The following GLYAT variants were observed in gnomAD, a reference collection of about 807,000 sequenced individuals.
The protein encoded by GLYAT is glycine-N-acyltransferase, also known as glycine N-acyltransferase.
In GLYAT, 25 loss-of-function variants were observed where a neutral mutation model predicts 22.8. The observed-to-expected ratio is 1.09, with a 90% confidence interval of 0.80 to 1.53. GLYAT has a LOEUF of 1.53. Ranked by LOEUF, GLYAT falls within the 40% of genes most tolerant of loss-of-function variation. The probability of loss-of-function intolerance (pLI) is 0.00; values close to 1 mark genes in which losing one functional copy is unlikely to be tolerated. For synonymous variants in GLYAT, 140 were observed against 122.7 expected, an observed-to-expected ratio of 1.14 and a Z score of -0.93; for missense variants, 411 against 353.9, an observed-to-expected ratio of 1.16 and a Z score of -1.29.
intron 2 of GLYAT, among the ~76,000 whole-genome samples, chr11:58,721,906 CA>C (rs1296901314): frequency 6.6e-6 from 1 of 151,450 alleles, no homozygotes. Context: ...ATACAAAGAA[CA>C]AAAAAGTTAA....
chr11:58,726,554 G>C (rs1400597523), intron 1 of GLYAT, among the ~76,000 whole-genome samples: 1 of 152,056 alleles, frequency 6.6e-6, no homozygotes, highest in Non-Finnish European at 1.5e-5. Context: ...TCTTAGCCCT[G>C]TCCTCCTTAT....
chr11:58,713,021 G>T, intron 3 of GLYAT, 135 bp from the exon 4 acceptor site: 2 of 560,218 alleles, frequency 3.6e-6, no homozygotes, highest in East Asian at 3.0e-5. Flanking sequence ...CTTTTTTATT[G>T]ATACATAATA....
rs937609163 is a variant in GLYAT, at chr11:58,709,609, T to C, written c.*157A>G. ...GAGAAACCTGTGAATGCAGGGACCA[T>C]GGCGATGCTGTTGAACATCACACTG... On this transcript the variant is annotated 3_prime_UTR_variant, in exon 6 of 6. Coordinates refer to ENST00000344743, the MANE Select transcript of GLYAT (RefSeq NM_201648.3). The C allele has an allele frequency of 1.4e-4, 98 of 714,482 alleles. No homozygotes were observed. In the East Asian group the frequency reaches 2.6e-3, roughly 19 times the overall value. 44.3% of individuals were successfully genotyped at this position (714,482 alleles called of 1,614,324 possible).
chr11:58,710,237 G>T (rs578126220), intron 5 of GLYAT, 69 bp from the exon 6 acceptor site: 13 of 1,524,796 alleles, frequency 8.5e-6, no homozygotes, highest in South Asian at 2.6e-5. Flanking sequence ...GACCTCTATT[G>T]TCTTGAGAGA....
intron 1 of GLYAT, among the ~76,000 whole-genome samples, chr11:58,731,559 T>A (rs1476885689): frequency 6.6e-6 from 1 of 152,162 alleles, no homozygotes; most frequent in Non-Finnish European, 1.5e-5. Context: ...ATTAAAAAAA[T>A]AAATTTTATT....
At chr11:58,713,874 A>T (rs1389444963) in intron 3 of GLYAT, among the ~76,000 whole-genome samples, 1 of 152,150 alleles carries the variant, frequency 6.6e-6, no homozygotes, top group Non-Finnish European at 1.5e-5. Context: ...CCATAAATTT[A>T]TTCATTTCAT....
chr11:58,717,901 C>A (rs1257076175), intron 2 of GLYAT, among the ~76,000 whole-genome samples: 1 of 152,000 alleles, frequency 6.6e-6, no homozygotes, highest in Non-Finnish European at 1.5e-5. Context: ...CTTTTTATAG[C>A]AAAACCTAGC....
At chr11:58,712,469 G>C (rs1475745359) in intron 4 of GLYAT, among the ~76,000 whole-genome samples, 2 of 152,100 alleles carry the variant, frequency 1.3e-5, no homozygotes, top group Admixed American at 1.3e-4. Flanking sequence ...CCAGAGGGAA[G>C]GCTCTTCTTC....
intron 2 of GLYAT, among the ~76,000 whole-genome samples, chr11:58,719,196 T>C (rs767933540): frequency 6.6e-6 from 1 of 151,984 alleles, no homozygotes; most frequent in Non-Finnish European, 1.5e-5. Context: ...TTTAAAGTCA[T>C]TTATTTAACT....
At position 58,728,689 on chromosome 11, in the gene GLYAT, C is replaced by G. The variant is rs533186908; in HGVS notation, c.-16+3146G>C. 6.6e-5 allele frequency: 10 copies of G among 151,776 alleles called. No homozygotes were observed. In the South Asian group the frequency reaches 2.1e-3, roughly 32 times the overall value. 9.4% of individuals were successfully genotyped at this position (151,776 alleles called of 1,614,324 possible). A position where few individuals can be genotyped will look rare whatever the true frequency, so the allele number is the denominator to read the frequency against. The stretch of plus-strand genomic sequence containing the variant: ...TGATGGAAGTTTTCAGGTTGAAGTT[C>G]AGGGATATGGAATCTAACCAGAGCA... On this transcript the variant is annotated intron_variant, in intron 1 of 5. Coordinates refer to ENST00000344743, the MANE Select transcript of GLYAT (RefSeq NM_201648.3).
chr11:58,718,486 T>G (rs1449244790), intron 2 of GLYAT, among the ~76,000 whole-genome samples: 1 of 152,024 alleles, frequency 6.6e-6, no homozygotes, highest in African/African-American at 2.4e-5. Context: ...GTCCTGAAAG[T>G]TTTTTCTCTA....
chr11:58,730,202 T>A (rs1000113181), intron 1 of GLYAT, among the ~76,000 whole-genome samples: 4 of 152,176 alleles, frequency 2.6e-5, no homozygotes, highest in Non-Finnish European at 1.5e-5. Context: ...AGGCTGAGCA[T>A]GGTGGCTTGC....
chr11:58,712,937 T>A, intron 3 of GLYAT, 51 bp from the exon 4 acceptor site: 2 of 1,226,676 alleles, frequency 1.6e-6, no homozygotes, highest in Non-Finnish European at 2.3e-6. Flanking sequence ...ATTTTATGAT[T>A]ACATATAATT....
At chr11:58,724,599 G>T (rs903126495) in intron 1 of GLYAT, 88 bp from the exon 2 acceptor site, 6 of 420,418 alleles carry the variant, frequency 1.4e-5, no homozygotes, top group Non-Finnish European at 2.2e-5. Flanking sequence ...TTAATGACCA[G>T]GTTTTTTTTT....
At chr11:58,717,995 G>A (rs1039000539) in intron 2 of GLYAT, among the ~76,000 whole-genome samples, 1 of 151,948 alleles carries the variant, frequency 6.6e-6, no homozygotes, top group Non-Finnish European at 1.5e-5. Flanking sequence ...GGGCTTCTGT[G>A]TCTGTTAGAA....
intron 1 of GLYAT, among the ~76,000 whole-genome samples, 179 bp from the exon 2 acceptor site, chr11:58,724,690 T>A (rs1224373675): frequency 6.6e-6 from 1 of 151,798 alleles, no homozygotes; most frequent in African/African-American, 2.4e-5. Flanking sequence ...TTTCTCTGAG[T>A]TTTTTAGCTC....
intron 1 of GLYAT, among the ~76,000 whole-genome samples, chr11:58,727,200 T>C (rs1333600659): frequency 1.3e-5 from 2 of 152,104 alleles, no homozygotes; most frequent in Non-Finnish European, 2.9e-5. Flanking sequence ...AGGGACAGGA[T>C]TGGAGGTCAT....
chr11:58,714,126 A>G (rs146452414), intron 3 of GLYAT, among the ~76,000 whole-genome samples: 1 of 152,246 alleles, frequency 6.6e-6, no homozygotes, highest in Non-Finnish European at 1.5e-5. Context: ...ATAGAAGTAG[A>G]GAGTAGAATG....
At chr11:58,729,796 G>A (rs1856852673) in intron 1 of GLYAT, among the ~76,000 whole-genome samples, 1 of 152,062 alleles carries the variant, frequency 6.6e-6, no homozygotes, top group Non-Finnish European at 1.5e-5. Flanking sequence ...AAGGGTCTTA[G>A]GATGATAAAA....
Sources: gnomAD v4.1 joint callset for allele counts (sites outside exome capture counted in the v4.1 genomes callset) on GRCh38, gnomAD v4.1.1 for gene constraint, MANE v1.5 for transcripts, NCBI Gene and HGNC (gene_info 2026-07-23, HGNC 2026-07-21) for gene names.